BICC1: variants seen among roughly 807,000 people sequenced by gnomAD.
BICC1 encodes BicC family RNA binding protein 1, also known as protein bicaudal C homolog 1.
In BICC1, 43 loss-of-function variants were observed where a neutral mutation model predicts 111.0. The observed-to-expected ratio is 0.39, with a 90% CI of 0.30 to 0.50. The LOEUF is 0.50. BICC1 is among the 20% of genes least tolerant of loss of function. The pLI, the probability that BICC1 is intolerant of heterozygous loss-of-function variation, is 0.88. For missense variants in BICC1, 1,091 were observed against 1,203.2 expected, an observed-to-expected ratio of 0.91 and a Z score of 1.38; for synonymous variants, 467 against 434.4, an observed-to-expected ratio of 1.07 and a Z score of -0.93.
At chr10:58,809,405 A>C (rs983141440) in intron 17 of BICC1, among the ~76,000 whole-genome samples, 5 of 151,806 alleles carry the variant, frequency 3.3e-5, no homozygotes, top group African/African-American at 4.8e-5. Context: ...GAGACTGGCT[A>C]GTCTTTGTAT....
chr10:58,730,836 C>T (rs1035757322), intron 3 of BICC1, among the ~76,000 whole-genome samples: 12 of 152,078 alleles, frequency 7.9e-5, no homozygotes, highest in South Asian at 2.1e-4. Flanking sequence ...TAAGGCTGTG[C>T]GGGGTTGCAG....
chr10:58,817,447 T>C, intron 18 of BICC1, 115 bp from the exon 19 acceptor site: 1 of 1,104,478 alleles, frequency 9.1e-7, no homozygotes, highest in South Asian at 1.3e-5. Flanking sequence ...CTACAGCTAC[T>C]GCCCTATTCA....
chr10:58,692,327 C>A (rs978886828), intron 2 of BICC1, among the ~76,000 whole-genome samples: 1 of 152,080 alleles, frequency 6.6e-6, no homozygotes, highest in Admixed American at 6.6e-5. Flanking sequence ...ATAGTGTGGA[C>A]CAGTTTGAAA....
At chr10:58,758,217 A>G (rs1039500119) in intron 3 of BICC1, among the ~76,000 whole-genome samples, 5 of 152,212 alleles carry the variant, frequency 3.3e-5, no homozygotes, top group African/African-American at 1.2e-4. Flanking sequence ...ATAAACACTT[A>G]CAGAATATAA....
intron 1 of BICC1, among the ~76,000 whole-genome samples, chr10:58,612,985 T>G (rs1447818917): frequency 1.3e-5 from 2 of 152,208 alleles, no homozygotes; most frequent in East Asian, 3.9e-4. Flanking sequence ...AGTTTACACC[T>G]GTTTCAACTT....
In BICC1 at chr10:58,800,176, T is replaced by C; in HGVS notation, c.1726-18T>C. ...AATTGTGACCATATTTATACATTAT[T>C]TTCTATTATTATTTTAGTCTCCAGA... is the stretch of plus-strand genomic sequence containing the variant. On this transcript the variant is annotated intron_variant, in intron 12 of 20. Coordinates refer to ENST00000373886, the MANE Select transcript of BICC1 (RefSeq NM_001080512.3). 1 of 1,545,226 alleles carries C rather than the reference T, an allele frequency of 6.5e-7. No individual in the cohort carries two copies. The highest frequency in any genetic ancestry group is 8.9e-7 in the Non-Finnish European group (1 of 1,128,144).
At chr10:58,786,406 T>A (rs1401069596) in intron 4 of BICC1, among the ~76,000 whole-genome samples, 1 of 152,198 alleles carries the variant, frequency 6.6e-6, no homozygotes, top group Non-Finnish European at 1.5e-5. Context: ...ATAGATCTAC[T>A]TTGTAAAGTT....
chr10:58,588,684 G>A (rs189363468), intron 1 of BICC1, among the ~76,000 whole-genome samples: 2 of 152,280 alleles, frequency 1.3e-5, no homozygotes, highest in African/African-American at 4.8e-5. Flanking sequence ...CTGTGCACAC[G>A]ATGTCACAGG....
At chr10:58,760,047 C>T (rs1842267220) in intron 3 of BICC1, among the ~76,000 whole-genome samples, 2 of 151,526 alleles carry the variant, frequency 1.3e-5, no homozygotes, top group Non-Finnish European at 1.5e-5. Context: ...CAATGTGACA[C>T]GATGTTAGCT....
At chr10:58,780,806 A>T (rs1842863456) in intron 3 of BICC1, among the ~76,000 whole-genome samples, 1 of 152,210 alleles carries the variant, frequency 6.6e-6, no homozygotes, top group African/African-American at 2.4e-5. Flanking sequence ...TTCTTACAAT[A>T]GAGTAAGGTA....
chr10:58,700,893 A>G (rs1487128361), intron 2 of BICC1, among the ~76,000 whole-genome samples: 1 of 152,204 alleles, frequency 6.6e-6, no homozygotes, highest in Non-Finnish European at 1.5e-5. Context: ...GAATTGTTCT[A>G]TGAAGTTCCC....
At chr10:58,699,910 A>G (rs10826225) in intron 2 of BICC1, among the ~76,000 whole-genome samples, 3 of 151,912 alleles carry the variant, frequency 2.0e-5, no homozygotes, top group Non-Finnish European at 4.4e-5. Context: ...CAGGCTGGTC[A>G]CAAACTCCTG....
intron 2 of BICC1, among the ~76,000 whole-genome samples, chr10:58,656,606 T>G (rs564741941): frequency 6.6e-6 from 1 of 151,930 alleles, no homozygotes; most frequent in Non-Finnish European, 1.5e-5. Context: ...AACCACATGA[T>G]TATCTCAATA....
chr10:58,744,700 T>G (rs894449461), intron 3 of BICC1, among the ~76,000 whole-genome samples: 9 of 151,954 alleles, frequency 5.9e-5, no homozygotes, highest in African/African-American at 2.2e-4. Flanking sequence ...ATCTTGAGAT[T>G]TGCTGATGAG....
chr10:58,762,408 T>G (rs1057079908), intron 3 of BICC1, among the ~76,000 whole-genome samples: 7 of 152,170 alleles, frequency 4.6e-5, no homozygotes, highest in African/African-American at 1.7e-4. Context: ...ACAAAAAATA[T>G]CTAAAGCATA....
At chr10:58,604,934 A>C (rs560577842) in intron 1 of BICC1, among the ~76,000 whole-genome samples, 2 of 152,172 alleles carry the variant, frequency 1.3e-5, no homozygotes, top group South Asian at 2.1e-4. Flanking sequence ...TTGTTTCCTC[A>C]TGTGGTGGAA....
intron 1 of BICC1, among the ~76,000 whole-genome samples, chr10:58,544,471 G>T (rs1843081454): frequency 6.6e-6 from 1 of 152,056 alleles, no homozygotes; most frequent in Non-Finnish European, 1.5e-5. Context: ...ACCTCCCTTG[G>T]AAAATATGTC....
intron 3 of BICC1, among the ~76,000 whole-genome samples, chr10:58,755,663 T>C (rs1232274689): frequency 6.6e-6 from 1 of 152,196 alleles, no homozygotes; most frequent in African/African-American, 2.4e-5. Context: ...CATTCCTGTC[T>C]TGTATTTTTT....
intron 2 of BICC1, among the ~76,000 whole-genome samples, chr10:58,690,687 C>T (rs1201587013): frequency 6.6e-6 from 1 of 152,162 alleles, no homozygotes; most frequent in Non-Finnish European, 1.5e-5. Context: ...TTTTTGATAT[C>T]TCAGTGTTGC....
Sources: gnomAD v4.1 joint callset for allele counts (sites outside exome capture counted in the v4.1 genomes callset) on GRCh38, gnomAD v4.1.1 for gene constraint, MANE v1.5 for transcripts, NCBI Gene and HGNC (gene_info 2026-07-23, HGNC 2026-07-21) for gene names.